EPHA3: variants seen among roughly 807,000 people sequenced by gnomAD.
EPHA3 encodes ephrin type-A receptor 3.
EPHA3 carries 42 observed loss-of-function variants against 107.1 expected under a neutral mutation model. The ratio of observed to expected loss-of-function variants is 0.39; its 90% CI spans 0.31 to 0.51. The LOEUF (loss-of-function observed/expected upper bound fraction) is 0.51, where lower values mean the gene tolerates loss of function less well. Ranked by LOEUF, EPHA3 falls within the 20% of genes least tolerant of loss-of-function variation. The probability of loss-of-function intolerance (pLI) is 0.78; values close to 1 mark genes in which losing one functional copy is unlikely to be tolerated. For missense variants in EPHA3, 1,183 were observed against 1,211.2 expected (o/e 0.98, Z 0.35); for synonymous variants, 461 against 424.8 (o/e 1.09, Z -1.05).
At chr3:89,452,255 A>T (rs1225619549) in intron 15 of EPHA3, among the ~76,000 whole-genome samples, 1 of 151,998 alleles carries the variant, frequency 6.6e-6, no homozygotes, top group Non-Finnish European at 1.5e-5. Context: ...TGGTGATTCT[A>T]TTTTTAGTTT....
chr3:89,420,298 C>T (rs1246381337), intron 11 of EPHA3, among the ~76,000 whole-genome samples: 1 of 151,386 alleles, frequency 6.6e-6, no homozygotes, highest in Non-Finnish European at 1.5e-5. Flanking sequence ...TTTCTCTTTA[C>T]CATTTTATAG....
chr3:89,190,358 T>C (rs1408539497), intron 2 of EPHA3, among the ~76,000 whole-genome samples: 7 of 152,214 alleles, frequency 4.6e-5, no homozygotes, highest in Non-Finnish European at 7.3e-5. Context: ...AACAAATGAA[T>C]CAGTCATTTC....
At chr3:89,345,431 G>A (rs577045229) in intron 5 of EPHA3, among the ~76,000 whole-genome samples, 7 of 151,076 alleles carry the variant, frequency 4.6e-5, no homozygotes, top group African/African-American at 1.4e-4. Context: ...TGAAAATATT[G>A]CAATAGTGTG....
At chr3:89,231,791 G>A (rs1431562191) in intron 3 of EPHA3, among the ~76,000 whole-genome samples, 2 of 152,128 alleles carry the variant, frequency 1.3e-5, no homozygotes, top group African/African-American at 4.8e-5. Flanking sequence ...TTTAAACAAA[G>A]TTTTATGTGA....
intron 3 of EPHA3, among the ~76,000 whole-genome samples, chr3:89,327,021 T>G (rs1339476116): frequency 6.6e-6 from 1 of 152,086 alleles, no homozygotes; most frequent in Non-Finnish European, 1.5e-5. Flanking sequence ...TGAAAGTTTT[T>G]CGGTTGCCTT....
chr3:89,409,471 T>TAGG (rs1709116355), intron 9 of EPHA3, among the ~76,000 whole-genome samples: 1 of 152,040 alleles, frequency 6.6e-6, no homozygotes, highest in Non-Finnish European at 1.5e-5. Context: ...GCCTACATCT[T>TAGG]ACGAATTTTG....
At chr3:89,394,659 A>T (rs1444414256) in intron 5 of EPHA3, among the ~76,000 whole-genome samples, 3 of 152,276 alleles carry the variant, frequency 2.0e-5, no homozygotes, top group Non-Finnish European at 4.4e-5. Flanking sequence ...AAAAATCATC[A>T]TGTGATAATC....
chr3:89,322,770 A>C (rs1182995732), intron 3 of EPHA3, among the ~76,000 whole-genome samples: 3 of 152,146 alleles, frequency 2.0e-5, no homozygotes, highest in Non-Finnish European at 4.4e-5. Context: ...TTTACCAGCA[A>C]GTACAAAGAT....
chr3:89,282,745 G>C (rs1181248647), intron 3 of EPHA3, among the ~76,000 whole-genome samples: 1 of 152,054 alleles, frequency 6.6e-6, no homozygotes, highest in East Asian at 1.9e-4. Context: ...ATTGAATCAT[G>C]CGTGATCTGT....
intron 2 of EPHA3, among the ~76,000 whole-genome samples, chr3:89,187,410 T>C (rs1705593534): frequency 6.7e-6 from 1 of 149,478 alleles, no homozygotes; most frequent in African/African-American, 2.4e-5. Context: ...TATATATTAT[T>C]CATAAGTGTA....
intron 3 of EPHA3, among the ~76,000 whole-genome samples, chr3:89,255,982 T>C (rs1705275361): frequency 6.6e-6 from 1 of 151,954 alleles, no homozygotes; most frequent in African/African-American, 2.4e-5. Context: ...ATACCCAGCA[T>C]TTTGGGAGGC....
chr3:89,151,735 T>G (rs1360410898), intron 2 of EPHA3, among the ~76,000 whole-genome samples: 1 of 152,062 alleles, frequency 6.6e-6, no homozygotes, highest in Admixed American at 6.6e-5. Context: ...CAAACATGGA[T>G]ATGTGTATAA....
chr3:89,399,319 A>T lies in EPHA3; in HGVS notation c.1433A>T (p.Gln478Leu). ...LDYEVKYYEK[Q>L]EQETSYTILR... ...GAATTTTTTTTTCTGACCTCAAAGC[A>T]GGAACAAGAAACAAGTTATACCATT... Residue 478 changes from glutamine to leucine, a missense_variant and splice_region_variant, in exon 7 of 17, where the codon CAG (glutamine) becomes CTG (leucine). Physicochemically the swap from Gln to Leu is moderately radical, Grantham distance 113. Transcript: ENST00000336596. 6.3e-7 allele frequency: 1 copy of T among 1,592,760 alleles called. No individual in the cohort carries two copies. Among genetic ancestry groups the T allele is most frequent in the Non-Finnish European group, 8.6e-7 (1 of 1,165,370 alleles).
At chr3:89,400,080 A>T (rs959954797) in intron 7 of EPHA3, 92 of 1,024,250 alleles carry the variant, frequency 9.0e-5, no homozygotes, top group Non-Finnish European at 1.0e-4. Context: ...TTCATACTTA[A>T]AAAAGCCCTT....
chr3:89,429,506 C>A lies in EPHA3; in HGVS notation c.2136+339C>A, dbSNP rs192734680. On this transcript the variant is annotated intron_variant, in intron 12 of 16. Transcript: ENST00000336596. ...ACAGAAAGTCTCTTTTTTAAGTAATCTCAGTCTGATATAATTATTTAATCA... is the reference window on the plus strand; with the variant it reads ...ACAGAAAGTCTCTTTTTTAAGTAATATCAGTCTGATATAATTATTTAATCA... Among the ~76,000 whole-genome samples the A allele has an allele frequency of 9.7e-3, 1,477 of 152,214 alleles. 27 individuals are homozygous for A. The highest frequency in any genetic ancestry group is 0.034 in the African/African-American group (1,413 of 41,546).
In EPHA3 at chr3:89,472,700, T is replaced by C; in HGVS notation, c.2846+81T>C. 3 of 1,439,606 alleles carry C rather than the reference T, an allele frequency of 2.1e-6. No individual in the cohort carries two copies. In the South Asian group the frequency reaches 4.0e-5, roughly 19 times the overall value. The allele number at this position is 1,439,606 out of a possible 1,614,324, so 89.2% of individuals were successfully genotyped here. A position where few individuals can be genotyped will look rare whatever the true frequency, so the allele number is the denominator to read the frequency against. On this transcript the variant is annotated intron_variant, in intron 16 of 16. Coordinates refer to ENST00000336596, the MANE Select transcript of EPHA3 (RefSeq NM_005233.6). ...TTGACATGAAAGATTTGTAACATCT[T>C]GGCTTGACATGTTACAAATATTAGT... is the stretch of plus-strand genomic sequence containing the variant.
intron 3 of EPHA3, among the ~76,000 whole-genome samples, chr3:89,237,688 G>A (rs898940969): frequency 6.6e-6 from 1 of 152,030 alleles, no homozygotes; most frequent in Non-Finnish European, 1.5e-5. Context: ...GGAATGGGCT[G>A]GGTGCCATGG....
At chr3:89,415,909 T>TA (rs1461951188) in intron 10 of EPHA3, among the ~76,000 whole-genome samples, 1 of 151,526 alleles carries the variant, frequency 6.6e-6, no homozygotes, top group Non-Finnish European at 1.5e-5. Context: ...TTGAATCTTA[T>TA]ACTTTCCAAA....
chr3:89,476,209 A>G (rs539250761), intron 16 of EPHA3, among the ~76,000 whole-genome samples: 1 of 147,516 alleles, frequency 6.8e-6, no homozygotes, highest in South Asian at 2.1e-4. Flanking sequence ...ATAAACATGT[A>G]TATATATAAG....
Sources: allele counts gnomAD v4.1 joint callset (sites outside exome capture counted in the v4.1 genomes callset), GRCh38; gene constraint gnomAD v4.1.1; transcripts MANE v1.5; gene names NCBI Gene and HGNC (gene_info 2026-07-23, HGNC 2026-07-21).